Variants in HSPA12A observed in about 807,000 individuals in gnomAD.
HSPA12A encodes the protein heat shock protein family A (Hsp70) member 12A.
HSPA12A carries 28 observed loss-of-function variants against 69.2 expected under a neutral mutation model. The ratio of observed to expected loss-of-function variants is 0.40; its 90% CI spans 0.30 to 0.55. HSPA12A has a LOEUF of 0.55. Among genes scored for constraint, HSPA12A ranks in the 20% least tolerant of loss-of-function variants. HSPA12A has a pLI of 0.38. For missense variants in HSPA12A, 686 were observed against 900.7 expected (o/e 0.76, Z 3.05); for synonymous variants, 345 against 370.5 (o/e 0.93, Z 0.79).
intron 1 of HSPA12A, among the ~76,000 whole-genome samples, chr10:116,720,076 T>A (rs1352758408): frequency 6.6e-6 from 1 of 152,256 alleles, no homozygotes; most frequent in Non-Finnish European, 1.5e-5. Context: ...CACAATCTTG[T>A]GAATACTATA....
At chr10:116,682,264 T>C (rs1327446453) in intron 7 of HSPA12A, among the ~76,000 whole-genome samples, 1 of 152,194 alleles carries the variant, frequency 6.6e-6, no homozygotes, top group African/African-American at 2.4e-5. Context: ...AAATGAGACC[T>C]ACCCTGGTCA....
chr10:116,773,232 A>G (rs1182043734), intron 2 of HSPA12A, among the ~76,000 whole-genome samples: 2 of 152,250 alleles, frequency 1.3e-5, no homozygotes. Context: ...GCCCCTCCAG[A>G]GGCCCAGGAT....
chr10:116,775,398 C>G (rs1844312968), intron 2 of HSPA12A, among the ~76,000 whole-genome samples: 1 of 152,190 alleles, frequency 6.6e-6, no homozygotes. Flanking sequence ...TCTAGAGAGC[C>G]CTGGGGAGGA....
chr10:116,697,510 G>C (rs1849945275), intron 5 of HSPA12A, among the ~76,000 whole-genome samples: 3 of 152,090 alleles, frequency 2.0e-5, no homozygotes, highest in Admixed American at 2.0e-4. Flanking sequence ...GCTTACTATA[G>C]ACCAAGCTCC....
At chr10:116,676,795 T>C (rs1027827141) in intron 10 of HSPA12A, among the ~76,000 whole-genome samples, 10 of 152,206 alleles carry the variant, frequency 6.6e-5, no homozygotes, top group Non-Finnish European at 1.2e-4. Flanking sequence ...AAGGGCTCAC[T>C]GTCTCTTTCG....
At chr10:116,778,896 T>C (rs1175169016) in intron 2 of HSPA12A, among the ~76,000 whole-genome samples, 4 of 152,090 alleles carry the variant, frequency 2.6e-5, no homozygotes, top group Admixed American at 6.5e-5. Context: ...GACTGCACCA[T>C]TGCACTCGCA....
chr10:116,701,087 A>G lies in HSPA12A; in HGVS notation c.297T>C (p.Thr99=), dbSNP rs781861626. ...CGGGAGTCAGCAAGATGGTGGTTGG[A>G]GTCTTCTGATTGGACACACCAGGGT... ...GGDPGVSNQK[T]PTTILLTPER... is the part of the protein sequence containing the mutation. Residue 99 remains threonine (T), a synonymous_variant, in exon 4 of 12, where the codon ACT becomes ACC. Transcript: ENST00000369209. 16 of 1,614,136 alleles carry G rather than the reference A, an allele frequency of 9.9e-6. No homozygotes were observed. The Admixed American group carries it at 2.7e-4, about 27-fold the overall frequency.
At chr10:116,766,951 A>ACAGC (rs1294055102) in intron 2 of HSPA12A, among the ~76,000 whole-genome samples, 1 of 152,180 alleles carries the variant, frequency 6.6e-6, no homozygotes, top group Non-Finnish European at 1.5e-5. Context: ...CATCAGGCTG[A>ACAGC]CAGCCAAGCC....
At chr10:116,812,669 C>T (rs549929577) in intron 2 of HSPA12A, among the ~76,000 whole-genome samples, 150 of 152,122 alleles carry the variant, frequency 9.9e-4, no homozygotes, top group Non-Finnish European at 2.0e-3. Flanking sequence ...AGGACAAAAA[C>T]CTCACAGCAG....
intron 10 of HSPA12A, among the ~76,000 whole-genome samples, chr10:116,677,258 T>C (rs1424588270): frequency 2.0e-5 from 3 of 152,210 alleles, no homozygotes; most frequent in African/African-American, 7.2e-5. Context: ...GGACTGTGTA[T>C]TCCCCAAACC....
intron 2 of HSPA12A, among the ~76,000 whole-genome samples, chr10:116,785,829 G>A (rs1462816047): frequency 2.6e-5 from 4 of 151,954 alleles, no homozygotes; most frequent in Admixed American, 6.6e-5. Flanking sequence ...TTTCCCCGCT[G>A]AGCCCTCCTG....
At chr10:116,705,323 T>TTCAG in intron 2 of HSPA12A, 45 bp from the exon 3 acceptor site, 1 of 1,611,514 alleles carries the variant, frequency 6.2e-7, no homozygotes. Context: ...GGGGTGGGCC[T>TTCAG]GGCTTTCAGG....
chr10:116,812,800 G>A (rs529110106), intron 2 of HSPA12A, among the ~76,000 whole-genome samples: 116 of 152,292 alleles, frequency 7.6e-4, no homozygotes, highest in Middle Eastern at 3.4e-3. Context: ...GGCCAGGGTC[G>A]ACGTCAAAGA....
chr10:116,683,641 G>A (rs1311257555), intron 7 of HSPA12A, 150 bp downstream of exon 7: 1 of 663,474 alleles, frequency 1.5e-6, no homozygotes, highest in Non-Finnish European at 2.3e-6. Context: ...TAGGGGGGCT[G>A]AGCAGAGAGG....
intron 2 of HSPA12A, among the ~76,000 whole-genome samples, chr10:116,779,855 T>C (rs75800541): frequency 2.0e-5 from 3 of 151,946 alleles, no homozygotes; most frequent in Admixed American, 1.3e-4. Flanking sequence ...GAGCTCTGAG[T>C]GCACTCCGTC....
intron 2 of HSPA12A, among the ~76,000 whole-genome samples, chr10:116,776,265 C>G (rs569233901): frequency 6.6e-6 from 1 of 152,218 alleles, no homozygotes; most frequent in African/African-American, 2.4e-5. Context: ...TGGACGCCCC[C>G]CTCTGCCTCG....
At chr10:116,807,766 C>T (rs921823522) in intron 2 of HSPA12A, among the ~76,000 whole-genome samples, 1 of 152,218 alleles carries the variant, frequency 6.6e-6, no homozygotes, top group African/African-American at 2.4e-5. Flanking sequence ...AGCCCCAATT[C>T]TGGGCTGTTT....
At chr10:116,711,175 A>C (rs966544689) in intron 1 of HSPA12A, among the ~76,000 whole-genome samples, 1 of 152,192 alleles carries the variant, frequency 6.6e-6, no homozygotes. Flanking sequence ...AAGGAATCCC[A>C]AATGCCATTA....
At chr10:116,742,692 G>T, upstream of HSPA12A, 2 of 759,788 alleles carry the variant, frequency 2.6e-6, no homozygotes, top group Non-Finnish European at 3.2e-6. Context: ...GGGAAAGGTC[G>T]GGGAAGGCGG....
Sources: gnomAD v4.1 joint callset for allele counts (sites outside exome capture counted in the v4.1 genomes callset) on GRCh38, gnomAD v4.1.1 for gene constraint, MANE v1.5 for transcripts, NCBI Gene and HGNC (gene_info 2026-07-23, HGNC 2026-07-21) for gene names.